The following CWC27 variants were observed in gnomAD, a reference collection of about 807,000 sequenced individuals.
CWC27 encodes spliceosome-associated protein CWC27 homolog.
CWC27 carries 47 observed loss-of-function variants against 63.6 expected under a neutral mutation model. The observed-to-expected ratio is 0.74, with a 90% confidence interval of 0.58 to 0.94. The LOEUF (loss-of-function observed/expected upper bound fraction) is 0.94. Among genes scored for constraint, CWC27 ranks in the 40% least tolerant of loss-of-function variants. The probability of loss-of-function intolerance (pLI) is 0.00; values close to 1 mark genes in which losing one functional copy is unlikely to be tolerated. For missense variants in CWC27, 495 were observed against 554.3 expected (o/e 0.89, Z 1.07); for synonymous variants, 175 against 179.8 (o/e 0.97, Z 0.22).
intron 10 of CWC27, among the ~76,000 whole-genome samples, chr5:64,841,348 G>A (rs1561430949): frequency 6.6e-6 from 1 of 152,166 alleles, no homozygotes; most frequent in Non-Finnish European, 1.5e-5. Context: ...ACTCATGAGG[G>A]CAGATTGCTC....
At chr5:64,955,190 C>A (rs1748782369) in intron 11 of CWC27, among the ~76,000 whole-genome samples, 1 of 152,056 alleles carries the variant, frequency 6.6e-6, no homozygotes, top group Non-Finnish European at 1.5e-5. Context: ...GTATTCACTG[C>A]CAAATAATAA....
chr5:64,886,804 C>A (rs1747081129), intron 11 of CWC27, among the ~76,000 whole-genome samples: 1 of 151,848 alleles, frequency 6.6e-6, no homozygotes, highest in Non-Finnish European at 1.5e-5. Flanking sequence ...TATAATGGCA[C>A]AAATAATAAA....
At chr5:64,787,934 G>T (rs1285754097) in intron 6 of CWC27, among the ~76,000 whole-genome samples, 1 of 152,112 alleles carries the variant, frequency 6.6e-6, no homozygotes, top group Non-Finnish European at 1.5e-5. Flanking sequence ...TAAATGAGAA[G>T]AGGTATGTTA....
intron 1 of CWC27, among the ~76,000 whole-genome samples, chr5:64,774,424 GT>G (rs1305868044): frequency 4.6e-5 from 7 of 152,026 alleles, no homozygotes; most frequent in African/African-American, 1.4e-4. Context: ...AATGAATGAA[GT>G]TTTTTTCTGT....
chr5:64,990,169 G>T (rs913556635), intron 13 of CWC27, among the ~76,000 whole-genome samples: 2 of 151,280 alleles, frequency 1.3e-5, no homozygotes, highest in African/African-American at 4.9e-5. Context: ...AACTTTTGGA[G>T]AGTAATATTT....
chr5:64,894,477 T>TA (rs1183851731), intron 11 of CWC27, among the ~76,000 whole-genome samples: 2 of 152,140 alleles, frequency 1.3e-5, no homozygotes, highest in Non-Finnish European at 2.9e-5. Flanking sequence ...TAGGCAAACT[T>TA]AGAGTCTTTT....
intron 13 of CWC27, among the ~76,000 whole-genome samples, chr5:65,007,575 C>T (rs1580779141): frequency 6.6e-6 from 1 of 151,620 alleles, no homozygotes; most frequent in Non-Finnish European, 1.5e-5. Context: ...TTGCTGTATC[C>T]TCACATGGTC....
intron 11 of CWC27, among the ~76,000 whole-genome samples, chr5:64,894,061 CTGGAAT>C: frequency 6.6e-6 from 1 of 152,038 alleles, no homozygotes; most frequent in East Asian, 1.9e-4. Context: ...TCCCGAGTAG[CTGGAAT>C]TACAGGAGCC....
intron 11 of CWC27, among the ~76,000 whole-genome samples, chr5:64,914,508 T>C (rs538057338): frequency 6.6e-5 from 10 of 152,252 alleles, no homozygotes; most frequent in Admixed American, 1.3e-4. Flanking sequence ...AAATATCTAG[T>C]GTCCACTAAT....
intron 10 of CWC27, chr5:64,808,063 A>T: frequency 7.8e-7 from 1 of 1,282,872 alleles, no homozygotes; most frequent in Non-Finnish European, 9.9e-7. Flanking sequence ...CTTGAGACTA[A>T]TCTCTCTCAA....
intron 11 of CWC27, among the ~76,000 whole-genome samples, chr5:64,902,653 G>C (rs1200700858): frequency 6.6e-6 from 1 of 152,106 alleles, no homozygotes; most frequent in African/African-American, 2.4e-5. Context: ...TTGAAGTCAA[G>C]TGTAAGTCCT....
intron 10 of CWC27, among the ~76,000 whole-genome samples, chr5:64,879,023 T>C (rs1179370488): frequency 6.6e-6 from 1 of 151,922 alleles, no homozygotes; most frequent in Non-Finnish European, 1.5e-5. Context: ...GTAGACCAAG[T>C]AGGAGACTGT....
intron 13 of CWC27, among the ~76,000 whole-genome samples, chr5:65,001,613 A>G (rs1749733443): frequency 1.3e-5 from 2 of 152,140 alleles, no homozygotes; most frequent in South Asian, 4.1e-4. Flanking sequence ...AATGTGATGT[A>G]TTACATTTAT....
At chr5:64,970,248 T>C (rs1749095184) in intron 11 of CWC27, among the ~76,000 whole-genome samples, 1 of 151,236 alleles carries the variant, frequency 6.6e-6, no homozygotes. Context: ...AGTCTCGCTC[T>C]GTCGCCCAGG....
intron 9 of CWC27, among the ~76,000 whole-genome samples, chr5:64,803,160 T>A (rs1744545168): frequency 6.6e-6 from 1 of 152,182 alleles, no homozygotes; most frequent in African/African-American, 2.4e-5. Context: ...TAATACCATC[T>A]AAGGACCAGA....
intron 10 of CWC27, among the ~76,000 whole-genome samples, chr5:64,816,796 CA>C (rs1038330889): frequency 6.6e-6 from 1 of 152,056 alleles, no homozygotes; most frequent in African/African-American, 2.4e-5. Flanking sequence ...GGGAATACAG[CA>C]GGGAGGAAAC....
chr5:64,815,297 T>C (rs941378562), intron 10 of CWC27, among the ~76,000 whole-genome samples: 2 of 152,174 alleles, frequency 1.3e-5, no homozygotes, highest in African/African-American at 2.4e-5. Context: ...GTGGATCTGC[T>C]CCACATCATC....
At chr5:64,834,786 C>T (rs1370561025) in intron 10 of CWC27, among the ~76,000 whole-genome samples, 1 of 151,774 alleles carries the variant, frequency 6.6e-6, no homozygotes, top group Non-Finnish European at 1.5e-5. Context: ...AGGCTGTGTA[C>T]ACCTAAGCTC....
intron 12 of CWC27, among the ~76,000 whole-genome samples, chr5:64,972,923 G>T (rs975788281): frequency 6.6e-6 from 1 of 152,160 alleles, no homozygotes; most frequent in Non-Finnish European, 1.5e-5. Context: ...ATTATGAAAG[G>T]GTAGGTACAG....
Sources: gnomAD v4.1 joint callset for allele counts (sites outside exome capture counted in the v4.1 genomes callset) on GRCh38, gnomAD v4.1.1 for gene constraint, MANE v1.5 for transcripts, NCBI Gene and HGNC (gene_info 2026-07-23, HGNC 2026-07-21) for gene names.